Variants in ACYP2 observed in about 807,000 individuals in gnomAD.
ACYP2 encodes acylphosphatase 2.
A neutral mutation model predicts 11.2 loss-of-function variants in ACYP2; 12 were observed. That is an observed-to-expected ratio of 1.08 (90% confidence interval 0.69 to 1.74). The LOEUF is 1.74. Among genes scored for constraint, ACYP2 ranks in the 40% most tolerant of loss-of-function variants. The pLI is 0.00. For synonymous variants in ACYP2, 43 were observed against 32.2 expected (o/e 1.33, Z -1.13); for missense variants, 134 against 101.9 (o/e 1.31, Z -1.35).
At chr2:54,114,401 AG>A (rs1225532092) in intron 4 of ACYP2, among the ~76,000 whole-genome samples, 5 of 134,190 alleles carry the variant, frequency 3.7e-5, no homozygotes, top group Non-Finnish European at 6.5e-5. Context: ...AAAAAAAAAA[AG>A]GTCGGGTGTG....
intron 2 of ACYP2, among the ~76,000 whole-genome samples, chr2:54,042,918 T>C (rs562515288): frequency 1.3e-5 from 2 of 152,342 alleles, no homozygotes; most frequent in South Asian, 4.1e-4. Context: ...ACCCACCATT[T>C]CCACCTCCCT....
At chr2:54,248,954 A>G (rs1687081671) in intron 6 of ACYP2, among the ~76,000 whole-genome samples, 2 of 152,110 alleles carry the variant, frequency 1.3e-5, no homozygotes. Flanking sequence ...AAGGTTAAGG[A>G]ACATCATGAG....
At chr2:54,304,530 TAG>T (rs1318294842) in intron 6 of ACYP2, among the ~76,000 whole-genome samples, 156 bp from the exon 4 acceptor site, 1 of 152,134 alleles carries the variant, frequency 6.6e-6, no homozygotes, top group Admixed American at 6.6e-5. Context: ...GTGGTATTCT[TAG>T]AGTGATATAT....
chr2:54,118,499 A>G (rs1421169588), intron 4 of ACYP2, among the ~76,000 whole-genome samples: 1 of 152,244 alleles, frequency 6.6e-6, no homozygotes, highest in Non-Finnish European at 1.5e-5. Context: ...ACAGAGATTC[A>G]GTAACTTGGA....
chr2:54,184,814 T>TA (rs1683898926), intron 6 of ACYP2, among the ~76,000 whole-genome samples: 1 of 151,988 alleles, frequency 6.6e-6, no homozygotes, highest in East Asian at 1.9e-4. Flanking sequence ...ACAATATCAA[T>TA]TCATTTCAAA....
At chr2:54,060,438 G>T (rs954381931) in intron 4 of ACYP2, among the ~76,000 whole-genome samples, 2 of 150,840 alleles carry the variant, frequency 1.3e-5, no homozygotes, top group Admixed American at 1.3e-4. Flanking sequence ...AATGTTTTTT[G>T]ATCTCTCCAA....
chr2:54,233,632 A>C (rs879284976), intron 6 of ACYP2, among the ~76,000 whole-genome samples: 2 of 151,772 alleles, frequency 1.3e-5, no homozygotes, highest in African/African-American at 4.8e-5. Context: ...CCCTCCTGTA[A>C]TCCCTGTCTC....
chr2:54,116,148 A>C (rs1679779588), intron 4 of ACYP2, among the ~76,000 whole-genome samples: 1 of 152,164 alleles, frequency 6.6e-6, no homozygotes, highest in Non-Finnish European at 1.5e-5. Context: ...AGTTTTAGGA[A>C]GGACACTTAG....
chr2:54,303,560 A>G (rs1689809478), intron 6 of ACYP2, among the ~76,000 whole-genome samples: 1 of 152,244 alleles, frequency 6.6e-6, no homozygotes, highest in South Asian at 2.1e-4. Flanking sequence ...AAGAGAAAGA[A>G]GTCCAAACTA....
At chr2:54,006,517 G>C (rs1573501640) in intron 2 of ACYP2, among the ~76,000 whole-genome samples, 1 of 152,096 alleles carries the variant, frequency 6.6e-6, no homozygotes, top group Non-Finnish European at 1.5e-5. Context: ...TTGAACTTCT[G>C]GGCTTAAGTG....
intron 2 of ACYP2, among the ~76,000 whole-genome samples, chr2:53,991,887 G>T (rs1281240891): frequency 6.6e-6 from 1 of 151,896 alleles, no homozygotes; most frequent in Non-Finnish European, 1.5e-5. Context: ...CTGCAGACTC[G>T]AGCTCTTGGC....
At chr2:54,174,467 CA>C (rs1321959462) in intron 6 of ACYP2, among the ~76,000 whole-genome samples, 1 of 152,044 alleles carries the variant, frequency 6.6e-6, no homozygotes, top group Admixed American at 6.6e-5. Context: ...ATGTCATCTG[CA>C]AATAGGGACA....
At chr2:54,098,900 A>T (rs1296852907) in intron 4 of ACYP2, among the ~76,000 whole-genome samples, 1 of 151,942 alleles carries the variant, frequency 6.6e-6, no homozygotes, top group Non-Finnish European at 1.5e-5. Flanking sequence ...GTTAATTTTT[A>T]AAATTTTTGT....
chr2:54,264,545 A>G lies in ACYP2; in HGVS notation c.405-40143A>G, dbSNP rs905343394. ...AGACTAGCCAGGAAGGGCGGAAGCC[A>G]GGCAGACAGTGCTGCAAACTCACAT... is the stretch of plus-strand genomic sequence containing the variant. On this transcript the variant is annotated intron_variant, in intron 6 of 6. Coordinates refer to ENST00000607452, the MANE Select transcript of ACYP2 (RefSeq NM_001320586.2). Among the ~76,000 whole-genome samples the G allele has an allele frequency of 2.6e-4, 39 of 152,364 alleles. 1 individual carries two copies. Among genetic ancestry groups the G allele is most frequent in the Admixed American group, 7.8e-4 (12 of 15,306 alleles).
At chr2:54,073,905 G>A (rs2103652898) in intron 4 of ACYP2, among the ~76,000 whole-genome samples, 1 of 152,338 alleles carries the variant, frequency 6.6e-6, no homozygotes, top group East Asian at 1.9e-4. Context: ...TGGATGTGGA[G>A]ACATTGGAAC....
rs574430561 is a variant in ACYP2 at position 53,998,030 on chromosome 2, G to A, written c.62+24220G>A. On this transcript the variant is annotated intron_variant, in intron 2 of 6. Coordinates refer to ENST00000607452, the MANE Select transcript of ACYP2 (RefSeq NM_001320586.2). ...AATGTATAAAAAAACTTGTATACAC[G>A]TGTATTTGCATTTTTTCTAGGAATA... is the stretch of plus-strand genomic sequence containing the variant. 2.4e-4 allele frequency among the ~76,000 whole-genome samples: 36 copies of A among 152,250 alleles called. No individual in the cohort carries two copies. The South Asian group carries it at 2.9e-3, about 12-fold the overall frequency.
At chr2:54,229,434 T>TA (rs1686140906) in intron 6 of ACYP2, among the ~76,000 whole-genome samples, 2 of 152,224 alleles carry the variant, frequency 1.3e-5, no homozygotes, top group Non-Finnish European at 2.9e-5. Context: ...TAATTTGATA[T>TA]GAAATTATTA....
chr2:53,998,963 G>A (rs193115896), intron 2 of ACYP2, among the ~76,000 whole-genome samples: 2 of 152,116 alleles, frequency 1.3e-5, no homozygotes, highest in East Asian at 1.9e-4. Flanking sequence ...GGGATCCCAC[G>A]GCCACTGTTC....
In ACYP2 at chr2:54,045,772, C is replaced by T. The variant is rs188884003; in HGVS notation, c.63-5186C>T. Among the ~76,000 whole-genome samples the T allele has an allele frequency of 8.4e-4, 127 of 151,446 alleles. 3 individuals carry two copies. The highest frequency in any genetic ancestry group is 4.1e-3 in the East Asian group (21 of 5,088). ...TGGAGCTTGCAGTGAGCCAAAATCACGCCACTGCACTCCAGCCTGGGTGAC... is the reference window on the plus strand; with the variant it reads ...TGGAGCTTGCAGTGAGCCAAAATCATGCCACTGCACTCCAGCCTGGGTGAC... On this transcript the variant is annotated intron_variant, in intron 2 of 6. Transcript: ENST00000607452.
Sources: allele counts gnomAD v4.1 joint callset (sites outside exome capture counted in the v4.1 genomes callset), GRCh38; gene constraint gnomAD v4.1.1; transcripts MANE v1.5; gene names NCBI Gene and HGNC (gene_info 2026-07-23, HGNC 2026-07-21).